Variants in BACE2 observed in about 807,000 individuals in gnomAD.
BACE2 encodes 56 kDa aspartic-like protease.
BACE2 carries 17 observed loss-of-function variants against 46.2 expected under a neutral mutation model. The ratio of observed to expected loss-of-function variants is 0.37; its 90% confidence interval spans 0.25 to 0.55. BACE2 has a LOEUF of 0.55. Among genes scored for constraint, BACE2 ranks in the 20% least tolerant of loss-of-function variants. The probability of loss-of-function intolerance (pLI) is 0.82; values close to 1 mark genes in which losing one functional copy is unlikely to be tolerated. For missense variants in BACE2, 595 were observed against 698.1 expected (o/e 0.85, Z 1.66); for synonymous variants, 277 against 295.9 (o/e 0.94, Z 0.66).
intron 1 of BACE2, among the ~76,000 whole-genome samples, chr21:41,209,622 G>A (rs989844448): frequency 6.6e-5 from 10 of 152,148 alleles, no homozygotes; most frequent in East Asian, 1.9e-4. Context: ...GACAAGGCAC[G>A]ATGCTCAGAG....
chr21:41,185,690 G>A (rs905617441), intron 1 of BACE2, among the ~76,000 whole-genome samples: 2 of 152,154 alleles, frequency 1.3e-5, no homozygotes, highest in East Asian at 1.9e-4. Flanking sequence ...CTATAATACC[G>A]ATGCTGAGAA....
At chr21:41,273,107 G>A (rs548278222) in intron 8 of BACE2, among the ~76,000 whole-genome samples, 1 of 152,156 alleles carries the variant, frequency 6.6e-6, no homozygotes, top group African/African-American at 2.4e-5. Context: ...GGGAGGGAGT[G>A]TACGAATAGG....
chr21:41,215,469 A>G (rs939499958), intron 1 of BACE2, among the ~76,000 whole-genome samples: 2 of 152,210 alleles, frequency 1.3e-5, no homozygotes, highest in African/African-American at 4.8e-5. Flanking sequence ...TCAGCACAGC[A>G]AAGACCCACA....
chr21:41,256,281 C>T (rs1987785519), intron 7 of BACE2, among the ~76,000 whole-genome samples: 1 of 152,092 alleles, frequency 6.6e-6, no homozygotes. Flanking sequence ...TGATGTTCCT[C>T]TCCGTATGTC....
chr21:41,184,410 A>G (rs909402763), intron 1 of BACE2: 3 of 167,134 alleles, frequency 1.8e-5, no homozygotes, highest in African/African-American at 7.2e-5. Flanking sequence ...TAGTCAACGT[A>G]ACAAACTCTT....
In BACE2 at chr21:41,244,863, CTG is replaced by C. The variant is rs58015507; in HGVS notation, c.883-1082_883-1081del. Among the ~76,000 whole-genome samples, 891 of 150,526 alleles carry C rather than the reference CTG, an allele frequency of 5.9e-3. 9 individuals are homozygous for C. The highest frequency in any genetic ancestry group is 0.02 in the African/African-American group (814 of 41,142). The stretch of plus-strand genomic sequence containing the variant: ...GAATGTAAAACAAAATACAAAACCT[CTG>C]TGTGTGTGTGTGTGTGAGTGTGTGT... On this transcript the variant is annotated intron_variant, in intron 5 of 8. Coordinates refer to ENST00000330333, the MANE Select transcript of BACE2 (RefSeq NM_012105.5).
chr21:41,268,132 G>A (rs1409413935), intron 8 of BACE2, among the ~76,000 whole-genome samples: 1 of 152,188 alleles, frequency 6.6e-6, no homozygotes, highest in Non-Finnish European at 1.5e-5. Flanking sequence ...GCCCAGGACT[G>A]TACTAAGTGC....
intron 1 of BACE2, among the ~76,000 whole-genome samples, chr21:41,192,786 C>T (rs1345692828): frequency 1.3e-5 from 2 of 152,220 alleles, no homozygotes; most frequent in African/African-American, 4.8e-5. Context: ...GGCAGCCTTT[C>T]GGCTCACTCG....
chr21:41,229,100 A>G (rs547890261), intron 2 of BACE2, among the ~76,000 whole-genome samples: 1 of 152,260 alleles, frequency 6.6e-6, no homozygotes, highest in Admixed American at 6.5e-5. Context: ...AAAGTTTCCA[A>G]AACTTCCCCT....
At chr21:41,245,370 G>T (rs912766363) in intron 5 of BACE2, among the ~76,000 whole-genome samples, 1 of 152,198 alleles carries the variant, frequency 6.6e-6, no homozygotes, top group Non-Finnish European at 1.5e-5. Context: ...TCTGGTGTTG[G>T]CCACTGGTGT....
rs6517660 is a variant in BACE2 at position 41,275,363 on chromosome 21, C to T, written c.1304-8C>T. ...ACAGCTGTGGATTTTCCCTTTCTGT[C>T]TCCCCAGAAATTGCAGGTGCTGCAG... On this transcript the variant is annotated splice_region_variant and splice_polypyrimidine_tract_variant and intron_variant, in intron 8 of 8. Coordinates refer to ENST00000330333, the MANE Select transcript of BACE2 (RefSeq NM_012105.5). The T allele has an allele frequency of 3.2e-3, 5,196 of 1,613,996 alleles. 117 individuals are homozygous for T. The African/African-American group carries it at 0.056, about 17-fold the overall frequency.
Position 41,279,635 on chromosome 21 carries a change from T to C in BACE2, c.*4011T>C, listed in dbSNP as rs2012050. 0.57 allele frequency: 86,058 copies of C among 152,066 alleles called. 25,735 individuals are homozygous for C. Among genetic ancestry groups the C allele is most frequent in the East Asian group, 0.84 (4,348 of 5,174 alleles). The allele number at this position is 152,066 out of a possible 1,614,324, so 9.4% of individuals were successfully genotyped here. On this transcript the variant is annotated 3_prime_UTR_variant, in exon 9 of 9. Transcript: ENST00000330333. The stretch of plus-strand genomic sequence containing the variant: ...AAATGCAGTTTCATTCCAGCCATCC[T>C]TAGATTTCTTTTCCCCTTAAAGTGG...
chr21:41,246,573 AAAG>A (rs1987477846), intron 6 of BACE2, among the ~76,000 whole-genome samples: 1 of 152,200 alleles, frequency 6.6e-6, no homozygotes, highest in South Asian at 2.1e-4. Context: ...TGTTTGTATA[AAAG>A]AATACCATTT....
intron 1 of BACE2, among the ~76,000 whole-genome samples, chr21:41,192,633 C>T (rs1009264627): frequency 1.3e-5 from 2 of 152,192 alleles, no homozygotes; most frequent in African/African-American, 2.4e-5. Flanking sequence ...CTGCCAACAG[C>T]TCCAATCAGC....
intron 3 of BACE2, among the ~76,000 whole-genome samples, chr21:41,239,027 C>A (rs1410115211): frequency 1.3e-5 from 2 of 150,952 alleles, no homozygotes; most frequent in Non-Finnish European, 2.9e-5. Flanking sequence ...CTGGGTACCA[C>A]GCCCTGGCCT....
chr21:41,179,069 G>T (rs1198418562), intron 1 of BACE2: 1 of 1,155,714 alleles, frequency 8.7e-7, no homozygotes, highest in South Asian at 1.6e-5. Flanking sequence ...AAGACTTGAG[G>T]GTGTCAGGGT....
At chr21:41,273,175 G>A (rs1046645813) in intron 8 of BACE2, among the ~76,000 whole-genome samples, 4 of 152,214 alleles carry the variant, frequency 2.6e-5, no homozygotes, top group Middle Eastern at 3.2e-3. Flanking sequence ...AAGGCAAATG[G>A]AGGCAGGGCA....
Position 41,241,881 on chromosome 21 carries a change from T to G in BACE2, c.681T>G (p.Val227=), listed in dbSNP as rs1190081888. Residue 227 remains valine, a synonymous_variant, in exon 4 of 9, where the codon GTT becomes GTG. Coordinates refer to ENST00000330333, the MANE Select transcript of BACE2 (RefSeq NM_012105.5). ...TGACACAAGCAAACATCCCCAACGT[T>G]TTCTCCATGCAGATGTGTGGAGCCG... ...SLVTQANIPN[V]FSMQMCGAGL... is the part of the protein sequence containing the mutation. The G allele has an allele frequency of 3.1e-6, 5 of 1,614,024 alleles. No individual in the cohort carries two copies. The highest frequency in any genetic ancestry group is 4.2e-6 in the Non-Finnish European group (5 of 1,180,022).
At chr21:41,235,971 G>A (rs559599574) in intron 2 of BACE2, among the ~76,000 whole-genome samples, 20 of 152,336 alleles carry the variant, frequency 1.3e-4, no homozygotes, top group South Asian at 4.1e-4. Context: ...TTATTAACAC[G>A]TGTTAATGTT....
Sources: allele counts gnomAD v4.1 joint callset (sites outside exome capture counted in the v4.1 genomes callset), GRCh38; gene constraint gnomAD v4.1.1; transcripts MANE v1.5; gene names NCBI Gene and HGNC (gene_info 2026-07-23, HGNC 2026-07-21).